The following SEPTIN6 variants were observed in gnomAD, a reference collection of about 807,000 sequenced individuals.
SEPTIN6 encodes the protein septin 6.
A neutral mutation model predicts 33.6 loss-of-function variants in SEPTIN6; 8 were observed. That is an observed-to-expected ratio of 0.24 (90% CI 0.14 to 0.43). The LOEUF (loss-of-function observed/expected upper bound fraction) is 0.43, where lower values mean the gene tolerates loss of function less well. Among genes scored for constraint, SEPTIN6 ranks in the 20% least tolerant of loss-of-function variants. The probability of loss-of-function intolerance (pLI) is 1.00; values close to 1 mark genes in which losing one functional copy is unlikely to be tolerated. For missense variants in SEPTIN6, 250 were observed against 340.8 expected (o/e 0.73, Z 2.10); for synonymous variants, 131 against 140.0 (o/e 0.94, Z 0.45).
intron 3 of SEPTIN6, among the ~76,000 whole-genome samples, chrX:119,657,941 C>T (rs1358003633): frequency 9.0e-6 from 1 of 111,164 alleles, no homozygotes; most frequent in Non-Finnish European, 1.9e-5. Flanking sequence ...CTGGCTAACA[C>T]GGTGAAACCC....
chrX:119,668,177 TC>T (rs2054678635), intron 2 of SEPTIN6, among the ~76,000 whole-genome samples: 1 of 109,817 alleles, frequency 9.1e-6, no homozygotes, highest in Admixed American at 9.8e-5. Context: ...GCTCCTGTAA[TC>T]CCAGCTACTC....
rs1339764508 is a variant in SEPTIN6 at position 119,640,219 on chromosome X, C to T, written c.787+473G>A. Among the ~76,000 whole-genome samples the T allele has an allele frequency of 1.4e-3, 124 of 87,955 alleles. 1 individual carries two copies. The highest frequency in any genetic ancestry group is 5.0e-3 in the African/African-American group (117 of 23,459). 76.4% of individuals were successfully genotyped at this position (87,955 alleles called of 115,157 possible). On this transcript the variant is annotated intron_variant, in intron 6 of 10. Coordinates refer to ENST00000394610, the MANE Select transcript of SEPTIN6 (RefSeq NM_145799.4). ...TATTTTTAGTAGAGATGGGGTTTCA[C>T]CATGTTGGCCAGGATGGTCTCAATC...
chrX:119,615,849 C>G (rs193169252), downstream of SEPTIN6: 251 of 162,472 alleles, frequency 1.5e-3, no homozygotes, highest in Non-Finnish European at 2.3e-3. Context: ...TGACTGGTCA[C>G]ACCTTTGAGC....
In SEPTIN6 at chrX:119,681,679, G is replaced by A. The variant is rs1034855793; in HGVS notation, c.31-6011C>T. On this transcript the variant is annotated intron_variant, in intron 1 of 10. Transcript: ENST00000394610. ...AAGAAGCATGTGGGTAGTTCTGTAT[G>A]TACTGATGTGAGTATCTCCAAGACA... is the stretch of plus-strand genomic sequence containing the variant. 7.1e-5 allele frequency among the ~76,000 whole-genome samples: 8 copies of A among 112,085 alleles called. No individual in the cohort carries two copies. In the Admixed American group the frequency reaches 7.6e-4, roughly 11 times the overall value.
At chrX:119,626,535 A>C (rs184482130) in intron 9 of SEPTIN6, among the ~76,000 whole-genome samples, 1 of 111,891 alleles carries the variant, frequency 8.9e-6, no homozygotes, top group African/African-American at 3.2e-5. Context: ...ACCATGACAG[A>C]TAAGTTAATA....
intron 3 of SEPTIN6, among the ~76,000 whole-genome samples, chrX:119,655,414 T>G (rs1370959950): frequency 1.1e-4 from 12 of 111,271 alleles, no homozygotes. Context: ...CACACTCTGT[T>G]GTGCTGCTCA....
rs143479016 is a variant in SEPTIN6, at chrX:119,660,974, G to A, written c.341+2508C>T. Among the ~76,000 whole-genome samples, 533 of 100,087 alleles carry A rather than the reference G, an allele frequency of 5.3e-3. 4 individuals are homozygous for A. Among genetic ancestry groups the A allele is most frequent in the African/African-American group, 0.018 (475 of 26,961 alleles). The allele number at this position is 100,087 out of a possible 115,157, so 86.9% of individuals were successfully genotyped here. On this transcript the variant is annotated intron_variant, in intron 3 of 10. Transcript: ENST00000394610. The stretch of plus-strand genomic sequence containing the variant: ...GGAGAATCACTTGAACCCAGGAGGC[G>A]GAGGTTGTAGTGAGCTGAGATTGTG...
Position 119,620,045 on chromosome X carries a change from G to T in SEPTIN6, c.*48C>A. 1.7e-6 allele frequency: 2 copies of T among 1,200,340 alleles called. No homozygotes were observed. Among genetic ancestry groups the T allele is most frequent in the Middle Eastern group, 2.3e-4 (1 of 4,269 alleles). On this transcript the variant is annotated 3_prime_UTR_variant, in exon 11 of 11. Coordinates refer to ENST00000394610, the MANE Select transcript of SEPTIN6 (RefSeq NM_145799.4). ...CGCAGGAAAAGGGTGTCTACAGGAAGCCCAAACTGAAAATGAAAAGAGAAG... is the reference window on the plus strand; with the variant it reads ...CGCAGGAAAAGGGTGTCTACAGGAATCCCAAACTGAAAATGAAAAGAGAAG...
At chrX:119,615,751 A>C (rs1488697448), downstream of SEPTIN6, 1 of 140,036 alleles carries the variant, frequency 7.1e-6, no homozygotes, top group Non-Finnish European at 1.4e-5. Flanking sequence ...TTTTATTGAA[A>C]ATTGACATGG....
intron 1 of SEPTIN6, among the ~76,000 whole-genome samples, chrX:119,687,385 G>T: frequency 9.1e-6 from 1 of 109,366 alleles, no homozygotes; most frequent in Middle Eastern, 4.6e-3. Context: ...AGAGTAGCTG[G>T]GACTACAGGC....
intron 1 of SEPTIN6, among the ~76,000 whole-genome samples, chrX:119,678,499 A>G (rs191403632): frequency 9.3e-6 from 1 of 107,650 alleles, no homozygotes; most frequent in African/African-American, 3.5e-5. Flanking sequence ...AGCCTGGGCG[A>G]CAGAGCGAGA....
intron 1 of SEPTIN6, among the ~76,000 whole-genome samples, chrX:119,690,346 C>CAT (rs1296316116): frequency 1.4e-5 from 1 of 70,437 alleles, no homozygotes; most frequent in African/African-American, 1.1e-4. Context: ...CATACATACA[C>CAT]ATACACACAC....
At chrX:119,678,569 C>G (rs1028675898) in intron 1 of SEPTIN6, among the ~76,000 whole-genome samples, 3 of 111,256 alleles carry the variant, frequency 2.7e-5, no homozygotes, top group Non-Finnish European at 3.8e-5. Flanking sequence ...TGGTTCACAT[C>G]ACTCAAGGCT....
At chrX:119,650,339 T>C (rs2054331005) in intron 4 of SEPTIN6, among the ~76,000 whole-genome samples, 1 of 112,158 alleles carries the variant, frequency 8.9e-6, no homozygotes, top group Non-Finnish European at 1.9e-5. Flanking sequence ...CCAGGAGGTA[T>C]TATTACTACT....
chrX:119,682,140 T>G (rs961854393), intron 1 of SEPTIN6, among the ~76,000 whole-genome samples: 2 of 111,106 alleles, frequency 1.8e-5, no homozygotes, highest in Non-Finnish European at 3.8e-5. Context: ...TGCACGTAAA[T>G]GTATGTGGAT....
At chrX:119,633,263 A>G (rs747121951) in intron 8 of SEPTIN6, 97 bp downstream of exon 8, 1 of 838,039 alleles carries the variant, frequency 1.2e-6, no homozygotes, top group Non-Finnish European at 1.7e-6. Context: ...AGTAATTTAC[A>G]TTCACACCAA....
chrX:119,616,638 ATTGG>A (rs2147415770), downstream of SEPTIN6: 2 of 1,061,104 alleles, frequency 1.9e-6, no homozygotes, highest in Non-Finnish European at 2.6e-6. Context: ...GGGAGAGGAA[ATTGG>A]TTGATTTCTG....
At chrX:119,668,312 CAGAG>C (rs761569775) in intron 2 of SEPTIN6, among the ~76,000 whole-genome samples, 2 of 79,744 alleles carry the variant, frequency 2.5e-5, no homozygotes, top group Non-Finnish European at 4.6e-5. Context: ...AAAGGAAAGA[CAGAG>C]AGAGAGAGAG....
chrX:119,652,972 C>A lies in SEPTIN6; in HGVS notation c.410G>T (p.Arg137Leu). The A allele has an allele frequency of 3.3e-6, 4 of 1,209,953 alleles. No individual in the cohort carries two copies. In the South Asian group the frequency reaches 7.0e-5, roughly 21 times the overall value. ...EAYLQEELKI[R>L]RVLHTYHDSR... is the part of the protein sequence containing the mutation. ...GTCATGGTAGGTGTGTAGCACTCTT[C>A]GGATCTTTAGCTCTTCCTGCAGGTA... Residue 137 changes from arginine (R) to leucine (L), a missense_variant, in exon 4 of 11, where the codon CGA becomes CTA. Physicochemically the swap from Arg to Leu is moderately radical, Grantham distance 102. Transcript: ENST00000394610.
Sources: allele counts gnomAD v4.1 joint callset (sites outside exome capture counted in the v4.1 genomes callset), GRCh38; gene constraint gnomAD v4.1.1; transcripts MANE v1.5; gene names NCBI Gene and HGNC (gene_info 2026-07-23, HGNC 2026-07-21).